The following SRC variants were observed in gnomAD, a reference collection of about 807,000 sequenced individuals.
SRC encodes the protein proto-oncogene tyrosine-protein kinase Src.
In SRC, 13 loss-of-function variants were observed where a neutral mutation model predicts 62.9. The observed-to-expected ratio is 0.21, with a 90% CI of 0.13 to 0.33. The LOEUF (loss-of-function observed/expected upper bound fraction) is 0.33, where lower values mean the gene tolerates loss of function less well. Among genes scored for constraint, SRC ranks in the 10% least tolerant of loss-of-function variants. SRC has a pLI of 1.00. For synonymous variants in SRC, 302 were observed against 317.5 expected (o/e 0.95, Z 0.52); for missense variants, 457 against 737.3 (o/e 0.62, Z 4.40).
chr20:37,373,997 T>C (rs2070237755), intron 2 of SRC, among the ~76,000 whole-genome samples: 1 of 151,448 alleles, frequency 6.6e-6, no homozygotes, highest in Admixed American at 6.6e-5. Context: ...CTTACAAATT[T>C]AGAAATTGAC....
rs2070745308 is a variant in SRC at position 37,402,045 on chromosome 20, A to G, written c.1116+367A>G. On this transcript the variant is annotated intron_variant, in intron 11 of 13. Coordinates refer to ENST00000373578, the MANE Select transcript of SRC (RefSeq NM_198291.3). The surrounding 1 kb of genome is among the most constrained non-coding windows in gnomAD (Gnocchi z 6.2). The stretch of plus-strand genomic sequence containing the variant: ...ATCCTCATCACGACCAGGAGTGACG[A>G]GGATTGGCTGTTATTCCCATTGGAC... 6.7e-6 allele frequency: 2 copies of G among 298,014 alleles called. No homozygotes were observed. 18.5% of individuals were successfully genotyped at this position (298,014 alleles called of 1,614,324 possible). A position where few individuals can be genotyped will look rare whatever the true frequency, so the allele number is the denominator to read the frequency against.
chr20:37,370,770 T>A lies in SRC; in HGVS notation c.-173+5493T>A, dbSNP rs922972798. Among the ~76,000 whole-genome samples, 3 of 152,208 alleles carry A rather than the reference T, an allele frequency of 2.0e-5. No individual in the cohort carries two copies. In the East Asian group the frequency reaches 5.8e-4, roughly 29 times the overall value. ...TTCTTGTGATGTCTTTGTGTGGTTATGGTATCGGGGTAATACCGGCTTCAG... is the reference window on the plus strand; with the variant it reads ...TTCTTGTGATGTCTTTGTGTGGTTAAGGTATCGGGGTAATACCGGCTTCAG... On this transcript the variant is annotated intron_variant, in intron 2 of 13. Transcript: ENST00000373578.
chr20:37,349,413 G>C (rs2069769153), intron 1 of SRC, among the ~76,000 whole-genome samples: 2 of 152,218 alleles, frequency 1.3e-5, no homozygotes, highest in African/African-American at 2.4e-5. Context: ...AAGGGCTTAA[G>C]AGTCAGACAG....
chr20:37,350,115 C>T (rs1005622408), intron 1 of SRC, among the ~76,000 whole-genome samples: 14 of 152,220 alleles, frequency 9.2e-5, no homozygotes, highest in Non-Finnish European at 1.3e-4. Context: ...TATCTCCCTT[C>T]GGATTCCCAC....
At chr20:37,361,834 T>TGCCGGGGTCTCTGTGTGCGG (rs2069976814) in intron 1 of SRC, among the ~76,000 whole-genome samples, 2 of 35,534 alleles carry the variant, frequency 5.6e-5, no homozygotes, top group African/African-American at 7.0e-4. Flanking sequence ...CAGGTAGAGA[T>TGCCGGGGTCTCTGTGTGCGG]GTAGAGATGC....
At chr20:37,400,861 A>C (rs1407384508) in intron 10 of SRC, among the ~76,000 whole-genome samples, 2 of 152,182 alleles carry the variant, frequency 1.3e-5, no homozygotes, top group Non-Finnish European at 2.9e-5. Flanking sequence ...TGCCCTTTGC[A>C]GACAGTACCC....
chr20:37,346,472 AG>A (rs972011501), intron 1 of SRC, among the ~76,000 whole-genome samples: 8 of 125,726 alleles, frequency 6.4e-5, no homozygotes, highest in African/African-American at 2.3e-4. Context: ...CAGCGGGGGG[AG>A]GGGGCTGGGC....
intron 2 of SRC, among the ~76,000 whole-genome samples, chr20:37,370,925 C>A (rs1345459464): frequency 6.6e-6 from 1 of 151,854 alleles, no homozygotes; most frequent in Non-Finnish European, 1.5e-5. Flanking sequence ...TTAATAATTC[C>A]ATCTCTTTAC....
chr20:37,360,206 T>TTCTC (rs564687280), intron 1 of SRC, among the ~76,000 whole-genome samples: 3 of 144,368 alleles, frequency 2.1e-5, no homozygotes, highest in Admixed American at 6.7e-5. Flanking sequence ...TTCTTTCTCT[T>TTCTC]TCTCTCTCTC....
intron 2 of SRC, among the ~76,000 whole-genome samples, chr20:37,367,588 C>A (rs149140716): frequency 6.7e-6 from 1 of 149,414 alleles, no homozygotes; most frequent in African/African-American, 2.5e-5. Flanking sequence ...GATCACCCTG[C>A]CTCAGCCTCC....
At chr20:37,373,396 C>T (rs183681594) in intron 2 of SRC, among the ~76,000 whole-genome samples, 6 of 151,512 alleles carry the variant, frequency 4.0e-5, no homozygotes, top group Non-Finnish European at 7.4e-5. Context: ...CACATATATG[C>T]GTATATATAC....
At position 37,403,365 on chromosome 20, in the gene SRC, G is replaced by A. The variant is rs754707860; in HGVS notation, c.1597G>A (p.Gly533Arg). Residue 533 changes from glycine to arginine, a missense_variant, in exon 14 of 14, where the codon GGG becomes AGG. Physicochemically the swap from Gly to Arg is moderately radical, Grantham distance 125. Around this residue, in one of 4 missense-constraint regions of SRC, gnomAD observed 168 missense variants for 357.8 expected, o/e 0.47. Coordinates refer to ENST00000373578, the MANE Select transcript of SRC (RefSeq NM_198291.3). This position sits in a 1 kb window ranked among gnomAD's most constrained non-coding sequence, Gnocchi z 7.1. ...GTCCACCGAGCCCCAGTACCAGCCCGGGGAGAACCTCTAGGCACAGGCGGG... is the reference window on the plus strand; with the variant it reads ...GTCCACCGAGCCCCAGTACCAGCCCAGGGAGAACCTCTAGGCACAGGCGGG... ...FTSTEPQYQP[G>R]ENL 2 of 1,603,084 alleles carry A rather than the reference G, an allele frequency of 1.2e-6. No homozygotes were observed. The highest frequency in any genetic ancestry group is 1.1e-5 in the South Asian group (1 of 89,118).
At position 37,394,253 on chromosome 20, in the gene SRC, G is replaced by C. The variant is rs143889833; in HGVS notation, c.529G>C (p.Val177Leu). The change falls in exon 7 of 14, where the codon GTG (valine) becomes CTG (leucine). Residue 177 changes from valine (V) to leucine (L), a missense_variant. Around this residue, in one of 4 missense-constraint regions of SRC, gnomAD observed 141 missense variants for 198.4 expected, o/e 0.71. Transcript: ENST00000373578. ...NAENPRGTFLVRESETTKGAY... is the reference protein window; with the variant it reads ...NAENPRGTFLLRESETTKGAY... ...AGAGAACCCGAGAGGGACCTTCCTC[G>C]TGCGAGAAAGTGAGACCACGAAAGG... The C allele has an allele frequency of 2.5e-6, 4 of 1,613,906 alleles. No individual in the cohort carries two copies. In the South Asian group the frequency reaches 4.4e-5, roughly 18 times the overall value.
intron 1 of SRC, among the ~76,000 whole-genome samples, chr20:37,346,918 C>CACCT (rs1054564101): frequency 2.6e-5 from 4 of 152,208 alleles, no homozygotes; most frequent in Non-Finnish European, 4.4e-5. Flanking sequence ...GGGCCAGGTC[C>CACCT]ACCTGTCTGC....
chr20:37,388,380 T>C (rs1395476229), intron 5 of SRC, among the ~76,000 whole-genome samples: 1 of 152,088 alleles, frequency 6.6e-6, no homozygotes, highest in Non-Finnish European at 1.5e-5. Flanking sequence ...GGGTAGCTGA[T>C]TGGGAGATGG....
Position 37,396,098 on chromosome 20 carries a change from T to TG in SRC, c.554-64_554-63insG. On this transcript the variant is annotated intron_variant, in intron 7 of 13. Transcript: ENST00000373578. The surrounding 1 kb of genome is among the most constrained non-coding windows in gnomAD (Gnocchi z 6.1). ...AATGTCAGGCAGGCACAGAACGGTG[T>TG]CCAGAGCAGCGGCCTGCGGGGGGAG... 14 of 1,581,766 alleles carry TG rather than the reference T, an allele frequency of 8.9e-6. No homozygotes were observed. The highest frequency in any genetic ancestry group is 1.2e-5 in the Non-Finnish European group (14 of 1,167,084).
At position 37,402,913 on chromosome 20, in the gene SRC, C is replaced by G. The variant is rs1312338488; in HGVS notation, c.1402+33C>G. 1.2e-6 allele frequency: 2 copies of G among 1,601,270 alleles called. No individual in the cohort carries two copies. The highest frequency in any genetic ancestry group is 2.2e-5 in the East Asian group (1 of 44,772). On this transcript the variant is annotated intron_variant, in intron 13 of 13. Transcript: ENST00000373578. The surrounding 1 kb of genome is among the most constrained non-coding windows in gnomAD (Gnocchi z 6.2). ...GGTCCTCATGGCCTGTCTGTGGTCCCTGAATCCCTCTGCCCTGGTGGCCTT... is the reference window on the plus strand; with the variant it reads ...GGTCCTCATGGCCTGTCTGTGGTCCGTGAATCCCTCTGCCCTGGTGGCCTT...
Position 37,361,674 on chromosome 20 carries a change from G to C in SRC, c.-246-3530G>C, listed in dbSNP as rs865783756. Among the ~76,000 whole-genome samples, 149 of 152,368 alleles carry C rather than the reference G, an allele frequency of 9.8e-4. 2 individuals are homozygous for C. The highest frequency in any genetic ancestry group is 3.4e-4 in the Non-Finnish European group (23 of 68,036). ...ACCCATCAGGGGTGGGGCAGCTGGG[G>C]GCTCTCGGAAAGATGACCTACGGCT... On this transcript the variant is annotated intron_variant, in intron 1 of 13. Transcript: ENST00000373578.
Position 37,401,661 on chromosome 20 carries a change from G to A in SRC, c.1099G>A (p.Val367Met), listed in dbSNP as rs778642449. 4 of 1,610,536 alleles carry A rather than the reference G, an allele frequency of 2.5e-6. No individual in the cohort carries two copies. Among genetic ancestry groups the A allele is most frequent in the Non-Finnish European group, 3.4e-6 (4 of 1,178,646 alleles). Residue 367 changes from valine to methionine, a missense_variant, in exon 11 of 14, where the codon GTG (valine) becomes ATG (methionine). Physicochemically the swap from Val to Met is conservative, Grantham distance 21. Around this residue, in one of 4 missense-constraint regions of SRC, gnomAD observed 168 missense variants for 357.8 expected, o/e 0.47. Coordinates refer to ENST00000373578, the MANE Select transcript of SRC (RefSeq NM_198291.3). ...TGKYLRLPQLVDMAAQIASGM... is the reference protein window; with the variant it reads ...TGKYLRLPQLMDMAAQIASGM... ...CAAGTACCTGCGGCTGCCTCAGCTGGTGGACATGGCTGCTCAGGTGAGTCA... is the reference window on the plus strand; with the variant it reads ...CAAGTACCTGCGGCTGCCTCAGCTGATGGACATGGCTGCTCAGGTGAGTCA...
Sources: allele counts gnomAD v4.1 joint callset (sites outside exome capture counted in the v4.1 genomes callset), GRCh38; gene constraint gnomAD v4.1.1; regional missense constraint gnomAD v4.1.1; non-coding constraint Gnocchi (gnomAD v3.1); transcripts MANE v1.5; gene names NCBI Gene and HGNC (gene_info 2026-07-23, HGNC 2026-07-21).